The following POLR2F variants were observed in gnomAD, a reference collection of about 807,000 sequenced individuals.
POLR2F encodes DNA-directed RNA polymerases I, II, and III subunit RPABC2.
POLR2F carries 12 observed loss-of-function variants against 22.7 expected under a neutral mutation model. That is an observed-to-expected ratio of 0.53 (90% CI 0.34 to 0.86). The LOEUF (loss-of-function observed/expected upper bound fraction) is 0.86, where lower values mean the gene tolerates loss of function less well. POLR2F is among the 40% of genes least tolerant of loss of function. The probability of loss-of-function intolerance (pLI) is 0.02; values close to 1 mark genes in which losing one functional copy is unlikely to be tolerated. For missense variants in POLR2F, 126 were observed against 171.5 expected, an observed-to-expected ratio of 0.73 and a Z score of 1.48; for synonymous variants, 57 against 66.0, an observed-to-expected ratio of 0.86 and a Z score of 0.66.
chr22:37,969,008 TG>T lies in POLR2F; in HGVS notation c.*1295del. 1 of 985,490 alleles carries T rather than the reference TG, an allele frequency of 1.0e-6. No individual in the cohort carries two copies. Among genetic ancestry groups the T allele is most frequent in the Non-Finnish European group, 1.2e-6 (1 of 829,958 alleles). The allele number at this position is 985,490 out of a possible 1,614,324, so 61.0% of individuals were successfully genotyped here. A position where few individuals can be genotyped will look rare whatever the true frequency, so the allele number is the denominator to read the frequency against. ...CAGCTCTGAAATGCCGCCTTTGTGC[TG>T]GCATCCAGGCAGCCGCCCCAGAGTG... On this transcript the variant is annotated 3_prime_UTR_variant, in exon 5 of 5. Coordinates refer to ENST00000442738, the MANE Select transcript of POLR2F (RefSeq NM_021974.5).
In POLR2F at chr22:37,986,959, C is replaced by A. The variant is rs750973494; in HGVS notation, c.120+647C>A. ...TGCCCCAGCAGGACAACAGGAGGGC[C>A]AGTGTCACCTTCTCCTCCTTTCCCT... is the stretch of plus-strand genomic sequence containing the variant. On this transcript the variant is annotated intron_variant, in intron 1 of 2. Coordinates refer to the POLR2F transcript ENST00000333418. The surrounding 1 kb of genome is among the most constrained non-coding windows in gnomAD (Gnocchi z 4.7). 1 of 452,916 alleles carries A rather than the reference C, an allele frequency of 2.2e-6. No homozygotes were observed. Among genetic ancestry groups the A allele is most frequent in the South Asian group, 1.6e-5 (1 of 64,324 alleles). The allele number at this position is 452,916 out of a possible 1,614,324, so 28.1% of individuals were successfully genotyped here.
At chr22:37,981,672 G>A (rs1932400580), upstream of POLR2F, among the ~76,000 whole-genome samples, 1 of 152,186 alleles carries the variant, frequency 6.6e-6, no homozygotes, top group South Asian at 2.1e-4. Context: ...CTATCTGTAT[G>A]TCTCTCCTGG....
intron 1 of POLR2F, among the ~76,000 whole-genome samples, chr22:37,994,445 T>C (rs546639869): frequency 1.1e-3 from 163 of 152,300 alleles, no homozygotes; most frequent in Admixed American, 3.0e-3. Flanking sequence ...CTTCCCGGGC[T>C]TAATCGATCC....
intron 1 of POLR2F, among the ~76,000 whole-genome samples, chr22:38,008,700 G>A (rs906465108): frequency 2.6e-5 from 4 of 151,616 alleles, no homozygotes; most frequent in Non-Finnish European, 5.9e-5. Flanking sequence ...GCGAGATCCC[G>A]TCTCTTCTAC....
At chr22:38,025,058 C>T (rs959372599) in intron 1 of POLR2F, among the ~76,000 whole-genome samples, 18 of 152,106 alleles carry the variant, frequency 1.2e-4, no homozygotes, top group African/African-American at 1.9e-4. Context: ...TTGGCGTTTC[C>T]GGGCCTCTTG....
chr22:37,960,351 G>A (rs929778421), intron 3 of POLR2F, among the ~76,000 whole-genome samples: 3 of 151,910 alleles, frequency 2.0e-5, no homozygotes, highest in Admixed American at 1.3e-4. Flanking sequence ...AGCCTCCCGC[G>A]TAGCTGGGAC....
In POLR2F at chr22:37,986,423, G is replaced by A; in HGVS notation, c.120+111G>A. The A allele has an allele frequency of 6.5e-7, 1 of 1,532,380 alleles. No homozygotes were observed. Among genetic ancestry groups the A allele is most frequent in the Non-Finnish European group, 8.7e-7 (1 of 1,145,244 alleles). The allele number at this position is 1,532,380 out of a possible 1,614,324, so 94.9% of individuals were successfully genotyped here. Reference sequence around the variant, plus strand: ...CTGAGACCCGCCTGGGGCAGGAGGGGTGGTTGTGGAAGGAAAGAGCCCAGA... The same window carrying A: ...CTGAGACCCGCCTGGGGCAGGAGGGATGGTTGTGGAAGGAAAGAGCCCAGA... On this transcript the variant is annotated intron_variant, in intron 1 of 2. Coordinates refer to the POLR2F transcript ENST00000333418. The surrounding 1 kb of genome is among the most constrained non-coding windows in gnomAD (Gnocchi z 4.7).
chr22:38,028,605 T>G (rs766594143), downstream of POLR2F, among the ~76,000 whole-genome samples: 2 of 152,118 alleles, frequency 1.3e-5, no homozygotes, highest in Non-Finnish European at 2.9e-5. Flanking sequence ...TGCCTATGTG[T>G]ATGCACGTGC....
intron 1 of POLR2F, among the ~76,000 whole-genome samples, chr22:37,992,702 G>A (rs1260474034): frequency 6.6e-6 from 1 of 152,090 alleles, no homozygotes; most frequent in African/African-American, 2.4e-5. Context: ...CCCGCCCCCC[G>A]GCTAATTTTT....
intron 3 of POLR2F, among the ~76,000 whole-genome samples, chr22:37,963,995 G>A (rs561923882): frequency 2.0e-5 from 3 of 152,120 alleles, no homozygotes; most frequent in East Asian, 3.9e-4. Flanking sequence ...CCAGCTACTC[G>A]GGAGGCTGAG....
intron 3 of POLR2F, among the ~76,000 whole-genome samples, chr22:37,962,320 T>G (rs1241356863): frequency 2.0e-5 from 3 of 152,178 alleles, no homozygotes; most frequent in African/African-American, 7.2e-5. Context: ...AAATGCTGTC[T>G]GTACATTCTC....
chr22:37,971,721 G>A (rs1485109369), downstream of POLR2F, among the ~76,000 whole-genome samples: 1 of 152,086 alleles, frequency 6.6e-6, no homozygotes, highest in African/African-American at 2.4e-5. Context: ...ACATCCTGAA[G>A]GACAGGCCTC....
chr22:37,965,858 C>T (rs1931832954), intron 3 of POLR2F, among the ~76,000 whole-genome samples: 1 of 152,150 alleles, frequency 6.6e-6, no homozygotes, highest in Non-Finnish European at 1.5e-5. Context: ...TTTTAGCATG[C>T]TCTCCTGTTA....
downstream of POLR2F, chr22:37,973,078 T>G: frequency 5.7e-6 from 1 of 174,832 alleles, no homozygotes; most frequent in Non-Finnish European, 1.2e-5. Flanking sequence ...GGCATGGGCA[T>G]GTCAGACCCT....
Position 37,967,892 on chromosome 22 carries a change from C to G in POLR2F, c.*177C>G. 5.2e-6 allele frequency: 7 copies of G among 1,343,600 alleles called. No homozygotes were observed. Among genetic ancestry groups the G allele is most frequent in the Non-Finnish European group, 6.7e-6 (7 of 1,050,216 alleles). 83.2% of individuals were successfully genotyped at this position (1,343,600 alleles called of 1,614,324 possible). ...TGGAGCATGCACCTATTCCAGTGGC[C>G]CTGTGACTGTCAGCTCCTTAAGAAG... is the stretch of plus-strand genomic sequence containing the variant. On this transcript the variant is annotated 3_prime_UTR_variant, in exon 5 of 5. Coordinates refer to ENST00000442738, the MANE Select transcript of POLR2F (RefSeq NM_021974.5).
In POLR2F at chr22:37,974,515, G is replaced by A. The variant is rs1932168101; in HGVS notation, c.293+7345G>A. Among the ~76,000 whole-genome samples, 1 of 152,066 alleles carries A rather than the reference G, an allele frequency of 6.6e-6. No individual in the cohort carries two copies. The highest frequency in any genetic ancestry group is 1.5e-5 in the Non-Finnish European group (1 of 68,012). ...TTACAAGCGCCCACCACAATGCCCA[G>A]CTAATTTGTGTATTTTTAGTAGAGA... is the stretch of plus-strand genomic sequence containing the variant. On this transcript the variant is annotated intron_variant, in intron 4 of 4. Coordinates refer to the POLR2F transcript ENST00000405557. This position sits in a 1 kb window ranked among gnomAD's most constrained non-coding sequence, Gnocchi z 5.4.
chr22:38,038,967 C>T (rs1226304929), intron 5 of POLR2F, among the ~76,000 whole-genome samples: 2 of 152,120 alleles, frequency 1.3e-5, no homozygotes, highest in African/African-American at 2.4e-5. Flanking sequence ...CTCCACAGGA[C>T]GTTCGTGACC....
chr22:38,026,598 T>A (rs2085012734), exon 3 of POLR2F: 1 of 294,320 alleles, frequency 3.4e-6, no homozygotes, highest in Non-Finnish European at 6.7e-6. Context: ...CTCCCCCGGC[T>A]CCCTGGAACT....
At chr22:38,008,369 G>T (rs1014198933) in intron 1 of POLR2F, among the ~76,000 whole-genome samples, 4 of 150,278 alleles carry the variant, frequency 2.7e-5, no homozygotes, top group African/African-American at 9.8e-5. Flanking sequence ...GGTCAACATG[G>T]TAAGACCCGG....
Sources: gnomAD v4.1 joint callset for allele counts (sites outside exome capture counted in the v4.1 genomes callset) on GRCh38, gnomAD v4.1.1 for gene constraint, Gnocchi (gnomAD v3.1) non-coding constraint, MANE v1.5 for transcripts, NCBI Gene and HGNC (gene_info 2026-07-23, HGNC 2026-07-21) for gene names.